Variants in ECT2L observed in about 807,000 individuals in gnomAD.
ECT2L encodes the protein epithelial cell-transforming sequence 2 oncogene-like.
ECT2L carries 126 observed loss-of-function variants against 122.8 expected under a neutral mutation model. The observed-to-expected ratio is 1.03, with a 90% CI of 0.89 to 1.19. ECT2L has a LOEUF of 1.19. Among genes scored for constraint, ECT2L ranks in the 50% most tolerant of loss-of-function variants. The pLI is 0.00. For synonymous variants in ECT2L, 385 were observed against 381.8 expected (o/e 1.01, Z -0.10); for missense variants, 1,012 against 1,064.1 (o/e 0.95, Z 0.68).
chr6:138,894,580 A>G (rs1305587780), intron 20 of ECT2L, among the ~76,000 whole-genome samples: 2 of 152,204 alleles, frequency 1.3e-5, no homozygotes, highest in African/African-American at 2.4e-5. Flanking sequence ...AGACATGAGT[A>G]TGGGACTTCA....
chr6:138,891,564 T>C (rs903658728), intron 20 of ECT2L, among the ~76,000 whole-genome samples: 4 of 127,840 alleles, frequency 3.1e-5, no homozygotes, highest in Admixed American at 1.7e-4. Flanking sequence ...TTTCAACCAA[T>C]TGCCAATCAA....
intron 5 of ECT2L, among the ~76,000 whole-genome samples, chr6:138,839,153 T>C (rs1299015796): frequency 6.6e-6 from 1 of 152,216 alleles, no homozygotes. Context: ...AACTCAGCTC[T>C]AGAAACTGCT....
chr6:138,890,639 A>T (rs1778992017), intron 20 of ECT2L, among the ~76,000 whole-genome samples: 1 of 151,602 alleles, frequency 6.6e-6, no homozygotes, highest in Non-Finnish European at 1.5e-5. Context: ...TTTGATTATT[A>T]GATTATTCTA....
chr6:138,858,588 T>A (rs1436837535), intron 10 of ECT2L, among the ~76,000 whole-genome samples: 1 of 151,978 alleles, frequency 6.6e-6, no homozygotes, highest in Non-Finnish European at 1.5e-5. Context: ...CCCCAAAAGT[T>A]TCCTCATGCC....
intron 10 of ECT2L, among the ~76,000 whole-genome samples, chr6:138,858,897 A>G (rs1267538989): frequency 6.6e-6 from 1 of 151,678 alleles, no homozygotes; most frequent in Non-Finnish European, 1.5e-5. Flanking sequence ...TAGTAGAGAC[A>G]GGGTCTCCCT....
In ECT2L at chr6:138,844,676, A is replaced by G. The variant is rs1777160500; in HGVS notation, c.764+96A>G. 3 of 1,166,246 alleles carry G rather than the reference A, an allele frequency of 2.6e-6. No homozygotes were observed. The South Asian group carries it at 4.5e-5, about 17-fold the overall frequency. The allele number at this position is 1,166,246 out of a possible 1,614,324, so 72.2% of individuals were successfully genotyped here. A position where few individuals can be genotyped will look rare whatever the true frequency, so the allele number is the denominator to read the frequency against. ...AGCTATCACGCAGAAATCTTGTGTA[A>G]TTCTGTGGCTCATATCCTATGAAAT... On this transcript the variant is annotated intron_variant, in intron 7 of 21. Transcript: ENST00000541398.
chr6:138,814,065 T>A (rs1324108583), intron 3 of ECT2L, among the ~76,000 whole-genome samples: 1 of 152,206 alleles, frequency 6.6e-6, no homozygotes, highest in Non-Finnish European at 1.5e-5. Context: ...GGTTGTGAGT[T>A]AGTGAAGTTA....
rs528287962 is a variant in ECT2L at position 138,823,389 on chromosome 6, A to G, written c.179+8786A>G. Reference sequence around the variant, plus strand: ...CATTGGATTTGTAGTACCCTTTCTTATTATGGGGGTGTGCTACTTTATCAC... The same window carrying G: ...CATTGGATTTGTAGTACCCTTTCTTGTTATGGGGGTGTGCTACTTTATCAC... On this transcript the variant is annotated intron_variant, in intron 4 of 21. Transcript: ENST00000541398. 219 of 1,608,240 alleles carry G rather than the reference A, an allele frequency of 1.4e-4. 1 individual carries two copies. In the African/African-American group the frequency reaches 2.7e-3, roughly 19 times the overall value.
intron 20 of ECT2L, among the ~76,000 whole-genome samples, chr6:138,899,536 G>T (rs900160528): frequency 1.3e-5 from 2 of 152,090 alleles, no homozygotes; most frequent in African/African-American, 4.8e-5. Flanking sequence ...AGACAGGGGT[G>T]AGGCTGTGCT....
At chr6:138,817,222 T>C (rs1258226609) in intron 4 of ECT2L, among the ~76,000 whole-genome samples, 1 of 152,250 alleles carries the variant, frequency 6.6e-6, no homozygotes, top group Non-Finnish European at 1.5e-5. Flanking sequence ...ATAATTATTA[T>C]AAATAGTGCT....
At chr6:138,814,714 G>T in intron 4 of ECT2L, 111 bp downstream of exon 4, 1 of 652,966 alleles carries the variant, frequency 1.5e-6, no homozygotes, top group Admixed American at 3.0e-5. Context: ...AAAAAACAAG[G>T]TAATTGATAT....
intron 1 of ECT2L, among the ~76,000 whole-genome samples, chr6:138,807,530 C>A (rs964223365): frequency 1.3e-5 from 2 of 152,226 alleles, no homozygotes; most frequent in Admixed American, 6.5e-5. Flanking sequence ...TCCACTACAC[C>A]GTCTCCTCCA....
intron 9 of ECT2L, among the ~76,000 whole-genome samples, chr6:138,852,965 GTTTAT>G (rs1416873870): frequency 1.1e-4 from 16 of 151,990 alleles, no homozygotes; most frequent in African/African-American, 3.9e-4. Flanking sequence ...TTGTTTGTTT[GTTTAT>G]TTTTTGTTTT....
At chr6:138,885,408 T>C in intron 16 of ECT2L, 98 bp from the exon 17 acceptor site, 2 of 1,196,606 alleles carry the variant, frequency 1.7e-6, no homozygotes, top group Non-Finnish European at 1.2e-6. Flanking sequence ...GATGTTGCCC[T>C]TTTGCTTCAG....
chr6:138,819,242 A>G (rs1364373509), intron 4 of ECT2L, among the ~76,000 whole-genome samples: 1 of 60,198 alleles, frequency 1.7e-5, no homozygotes, highest in African/African-American at 7.4e-5. Flanking sequence ...TAAAAAAAAA[A>G]AAAAAAAAAG....
intron 4 of ECT2L, 71 bp from the exon 5 acceptor site, chr6:138,838,281 C>A: frequency 2.3e-6 from 3 of 1,282,974 alleles, no homozygotes; most frequent in Non-Finnish European, 3.2e-6. Context: ...GATCAATGAC[C>A]AATATTTATG....
chr6:138,797,796 T>C (rs1010225819), intron 1 of ECT2L, among the ~76,000 whole-genome samples: 3 of 152,162 alleles, frequency 2.0e-5, no homozygotes, highest in African/African-American at 7.2e-5. Flanking sequence ...AACCCAGTTC[T>C]GACACTGTGT....
chr6:138,849,499 T>A, intron 9 of ECT2L, 65 bp downstream of exon 9: 1 of 1,482,236 alleles, frequency 6.7e-7, no homozygotes, highest in Non-Finnish European at 9.0e-7. Flanking sequence ...GTCCACAGTG[T>A]GACTTCCGGA....
chr6:138,846,423 A>T, intron 7 of ECT2L, 116 bp from the exon 8 acceptor site: 11 of 965,094 alleles, frequency 1.1e-5, no homozygotes, highest in Non-Finnish European at 1.6e-5. Flanking sequence ...AGGCTAAGGC[A>T]TGGAGGCCAC....
Sources: gnomAD v4.1 joint callset for allele counts (sites outside exome capture counted in the v4.1 genomes callset) on GRCh38, gnomAD v4.1.1 for gene constraint, MANE v1.5 for transcripts, NCBI Gene and HGNC (gene_info 2026-07-23, HGNC 2026-07-21) for gene names.